The following ST6GALNAC3 variants were observed in gnomAD, a reference collection of about 807,000 sequenced individuals.
ST6GALNAC3 encodes alpha-N-acetylgalactosaminide alpha-2,6-sialyltransferase 3.
In ST6GALNAC3, 25 loss-of-function variants were observed where a neutral mutation model predicts 32.7. The ratio of observed to expected loss-of-function variants is 0.76; its 90% CI spans 0.56 to 1.07. The LOEUF is 1.07. Ranked by LOEUF, ST6GALNAC3 falls within the 50% of genes least tolerant of loss-of-function variation. The probability of loss-of-function intolerance (pLI) is 0.00; values close to 1 mark genes in which losing one functional copy is unlikely to be tolerated. For missense variants in ST6GALNAC3, 355 were observed against 382.4 expected (o/e 0.93, Z 0.60); for synonymous variants, 129 against 133.1 (o/e 0.97, Z 0.21).
intron 3 of ST6GALNAC3, among the ~76,000 whole-genome samples, chr1:76,422,175 G>A (rs1655071649): frequency 6.6e-6 from 1 of 151,942 alleles, no homozygotes. Context: ...TATATGTTGT[G>A]TAGTAGACAC....
intron 3 of ST6GALNAC3, among the ~76,000 whole-genome samples, chr1:76,461,995 G>A (rs1418131894): frequency 6.6e-6 from 1 of 152,046 alleles, no homozygotes; most frequent in Non-Finnish European, 1.5e-5. Flanking sequence ...TCTCCTCTGG[G>A]CAGTGTGTCT....
At chr1:76,180,029 T>C (rs1653078257) in intron 1 of ST6GALNAC3, among the ~76,000 whole-genome samples, 1 of 152,230 alleles carries the variant, frequency 6.6e-6, no homozygotes, top group South Asian at 2.1e-4. Flanking sequence ...CATCTGACAT[T>C]CCACTAATTT....
chr1:76,152,275 T>A (rs553366066), intron 1 of ST6GALNAC3, among the ~76,000 whole-genome samples: 1 of 152,314 alleles, frequency 6.6e-6, no homozygotes, highest in African/African-American at 2.4e-5. Context: ...ACACTGCTGA[T>A]CCATCCTAGA....
chr1:76,295,443 C>CT (rs1660345570), intron 1 of ST6GALNAC3, among the ~76,000 whole-genome samples: 1 of 151,990 alleles, frequency 6.6e-6, no homozygotes, highest in Admixed American at 6.6e-5. Flanking sequence ...TCAGTGGAGT[C>CT]TCTGTAGTTG....
chr1:76,324,545 T>C (rs976832648), intron 2 of ST6GALNAC3, among the ~76,000 whole-genome samples: 1 of 152,060 alleles, frequency 6.6e-6, no homozygotes, highest in African/African-American at 2.4e-5. Context: ...GACAAATAAA[T>C]ATTGGGGGCC....
chr1:76,144,100 C>T (rs907784112), intron 1 of ST6GALNAC3, among the ~76,000 whole-genome samples: 2 of 151,842 alleles, frequency 1.3e-5, no homozygotes, highest in East Asian at 1.9e-4. Context: ...GTCTCTCAAA[C>T]TCTAGGGCCC....
intron 1 of ST6GALNAC3, among the ~76,000 whole-genome samples, chr1:76,289,774 G>A (rs35898987): frequency 0.11 from 17,481 of 152,308 alleles, 1,083 homozygotes; most frequent in Middle Eastern, 0.17. Context: ...AGGGCCTGAT[G>A]TAGGCTCCGC....
In ST6GALNAC3 at chr1:76,277,498, A is replaced by G. The variant is rs527602951; in HGVS notation, c.19-36307A>G. ...AAGACCCCCTCCTTCATAACAGGTC[A>G]ATTAAAGACATATATGTATATGTTT... On this transcript the variant is annotated intron_variant, in intron 1 of 4. Coordinates refer to ENST00000328299, the MANE Select transcript of ST6GALNAC3 (RefSeq NM_152996.4). 8.7e-4 allele frequency among the ~76,000 whole-genome samples: 130 copies of G among 148,574 alleles called. 1 individual carries two copies. Among genetic ancestry groups the G allele is most frequent in the Non-Finnish European group, 1.4e-3 (96 of 67,156 alleles).
chr1:76,225,084 T>C (rs1330818807), intron 1 of ST6GALNAC3, among the ~76,000 whole-genome samples: 1 of 151,028 alleles, frequency 6.6e-6, no homozygotes, highest in East Asian at 1.9e-4. Context: ...AAGCCCTCCT[T>C]TTTTTTTTCT....
At chr1:76,402,964 C>T (rs1218686582) in intron 2 of ST6GALNAC3, among the ~76,000 whole-genome samples, 4 of 151,872 alleles carry the variant, frequency 2.6e-5, no homozygotes, top group Non-Finnish European at 5.9e-5. Flanking sequence ...TCTCTTGTAT[C>T]GTCAATCATT....
At chr1:76,145,835 T>C (rs547487765) in intron 1 of ST6GALNAC3, among the ~76,000 whole-genome samples, 1 of 152,332 alleles carries the variant, frequency 6.6e-6, no homozygotes, top group South Asian at 2.1e-4. Flanking sequence ...AATAGTGGGA[T>C]CACAAAAGAA....
intron 1 of ST6GALNAC3, among the ~76,000 whole-genome samples, chr1:76,156,450 C>T (rs1473118508): frequency 1.3e-5 from 2 of 152,066 alleles, no homozygotes; most frequent in African/African-American, 4.8e-5. Context: ...CATTTATTTA[C>T]GTATTCAATT....
intron 3 of ST6GALNAC3, among the ~76,000 whole-genome samples, chr1:76,539,784 T>C (rs1272178766): frequency 1.3e-5 from 2 of 152,042 alleles, no homozygotes; most frequent in African/African-American, 4.8e-5. Flanking sequence ...ATCAGAGAAA[T>C]GCAAATCAAA....
chr1:76,587,389 C>T (rs1473360781), intron 3 of ST6GALNAC3, among the ~76,000 whole-genome samples: 4 of 152,112 alleles, frequency 2.6e-5, no homozygotes, highest in Non-Finnish European at 5.9e-5. Flanking sequence ...CTCCTCAGCG[C>T]CTGTGTGTCC....
At chr1:76,321,582 A>G (rs17098734) in intron 2 of ST6GALNAC3, among the ~76,000 whole-genome samples, 26,244 of 152,160 alleles carry the variant, frequency 0.17, 3,075 homozygotes, top group African/African-American at 0.33. Context: ...GTGCCATCTG[A>G]AGGAGGAGAG....
intron 1 of ST6GALNAC3, among the ~76,000 whole-genome samples, chr1:76,086,355 G>A (rs1309861262): frequency 1.3e-5 from 2 of 152,158 alleles, no homozygotes; most frequent in African/African-American, 2.4e-5. Context: ...GGTGAAAGAC[G>A]ATAGTTTTTT....
intron 1 of ST6GALNAC3, among the ~76,000 whole-genome samples, chr1:76,086,876 C>T (rs767786562): frequency 6.6e-6 from 1 of 152,114 alleles, no homozygotes; most frequent in Non-Finnish European, 1.5e-5. Context: ...TGTGTTTGTT[C>T]TTTTATTGCT....
intron 2 of ST6GALNAC3, among the ~76,000 whole-genome samples, chr1:76,354,495 C>T (rs1309810329): frequency 3.3e-5 from 5 of 152,266 alleles, no homozygotes; most frequent in African/African-American, 9.6e-5. Flanking sequence ...AGATTTTTGG[C>T]TTAATTCTCA....
intron 2 of ST6GALNAC3, among the ~76,000 whole-genome samples, chr1:76,371,677 T>C (rs1249006832): frequency 6.6e-6 from 1 of 152,202 alleles, no homozygotes; most frequent in East Asian, 1.9e-4. Flanking sequence ...CCCTATATTA[T>C]AACTTTTGAA....
Sources: gnomAD v4.1 joint callset for allele counts (sites outside exome capture counted in the v4.1 genomes callset) on GRCh38, gnomAD v4.1.1 for gene constraint, MANE v1.5 for transcripts, NCBI Gene and HGNC (gene_info 2026-07-23, HGNC 2026-07-21) for gene names.